TMEM232: variants seen among roughly 807,000 people sequenced by gnomAD.
TMEM232 encodes transmembrane protein 232.
In TMEM232, 80 loss-of-function variants were observed where a neutral mutation model predicts 78.8. The ratio of observed to expected loss-of-function variants is 1.01; its 90% confidence interval spans 0.85 to 1.22. The LOEUF is 1.22. Ranked by LOEUF, TMEM232 falls within the 50% of genes most tolerant of loss-of-function variation. TMEM232 has a pLI of 0.00. For missense variants in TMEM232, 881 were observed against 742.2 expected (o/e 1.19, Z -2.17); for synonymous variants, 297 against 254.3 (o/e 1.17, Z -1.60).
At chr5:110,635,741 T>C (rs1785719202) in intron 5 of TMEM232, among the ~76,000 whole-genome samples, 1 of 150,822 alleles carries the variant, frequency 6.6e-6, no homozygotes, top group Non-Finnish European at 1.5e-5. Context: ...TGGCTATTAT[T>C]AAAAAGACAA....
chr5:110,671,167 A>C (rs1791303988), intron 1 of TMEM232, among the ~76,000 whole-genome samples: 1 of 152,210 alleles, frequency 6.6e-6, no homozygotes, highest in Admixed American at 6.5e-5. Flanking sequence ...ATCACTGGTC[A>C]TTAGAGAAAT....
At position 110,649,509 on chromosome 5, in the gene TMEM232, TA is replaced by T. The variant is rs559172491; in HGVS notation, c.126-7139del. ...ATGTATACTTTTAATTATAGCAGAT[TA>T]AAAAAATATCTTCCAAAAATATTCT... On this transcript the variant is annotated intron_variant, in intron 2 of 13. Transcript: ENST00000455884. Among the ~76,000 whole-genome samples the T allele has an allele frequency of 5.6e-3, 846 of 152,218 alleles. 8 individuals are homozygous for T. Among genetic ancestry groups the T allele is most frequent in the African/African-American group, 0.019 (800 of 41,562 alleles).
intron 1 of TMEM232, among the ~76,000 whole-genome samples, chr5:110,692,339 T>C (rs1057512731): frequency 3.3e-5 from 5 of 152,226 alleles, no homozygotes; most frequent in Non-Finnish European, 5.9e-5. Context: ...GATGGCCGAA[T>C]AGCAGCAGCT....
chr5:110,712,881 C>G (rs939511074), intron 1 of TMEM232, among the ~76,000 whole-genome samples: 1 of 151,908 alleles, frequency 6.6e-6, no homozygotes, highest in Non-Finnish European at 1.5e-5. Context: ...ATAGAGCTAC[C>G]ATAACATCTA....
intron 1 of TMEM232, among the ~76,000 whole-genome samples, chr5:110,678,592 A>G (rs1424475503): frequency 6.6e-6 from 1 of 152,142 alleles, no homozygotes; most frequent in Non-Finnish European, 1.5e-5. Flanking sequence ...ATGGGTTTGG[A>G]CAAATGTATA....
chr5:110,517,159 G>T (rs572209720), intron 12 of TMEM232, among the ~76,000 whole-genome samples: 1 of 152,178 alleles, frequency 6.6e-6, no homozygotes, highest in Admixed American at 6.5e-5. Flanking sequence ...GACCTTTCAG[G>T]GATGAAAAAG....
At chr5:110,489,328 T>A (rs1764787486) in intron 12 of TMEM232, among the ~76,000 whole-genome samples, 1 of 151,990 alleles carries the variant, frequency 6.6e-6, no homozygotes, top group Admixed American at 6.6e-5. Context: ...ATGACCAAAT[T>A]GAGTTTATCC....
At chr5:110,662,440 G>C (rs1275721511) in intron 2 of TMEM232, among the ~76,000 whole-genome samples, 1 of 152,006 alleles carries the variant, frequency 6.6e-6, no homozygotes, top group Non-Finnish European at 1.5e-5. Context: ...TCTCCAAATT[G>C]ATCTATAGAT....
chr5:110,726,445 T>C (rs531826259), intron 1 of TMEM232, among the ~76,000 whole-genome samples, 182 bp downstream of exon 1: 1 of 152,178 alleles, frequency 6.6e-6, no homozygotes, highest in Non-Finnish European at 1.5e-5. Flanking sequence ...GGGGCCCAGA[T>C]AGCAGGCCCA....
intron 1 of TMEM232, among the ~76,000 whole-genome samples, chr5:110,675,563 T>A (rs1791923024): frequency 1.3e-5 from 2 of 152,198 alleles, no homozygotes; most frequent in African/African-American, 4.8e-5. Context: ...ATCTGGATGA[T>A]CTTAGAAGTA....
chr5:110,466,506 A>G (rs1450344630), intron 12 of TMEM232, among the ~76,000 whole-genome samples: 1 of 152,176 alleles, frequency 6.6e-6, no homozygotes, highest in African/African-American at 2.4e-5. Context: ...TATTTACTCA[A>G]CAGAGTTAAG....
chr5:110,429,793 G>T (rs952812783), intron 12 of TMEM232: 1 of 151,624 alleles, frequency 6.6e-6, no homozygotes, highest in Non-Finnish European at 1.5e-5. Flanking sequence ...AGTATATTTA[G>T]TCTCCTTTTT....
chr5:110,548,948 A>C (rs889195356), intron 11 of TMEM232, among the ~76,000 whole-genome samples: 1 of 151,984 alleles, frequency 6.6e-6, no homozygotes, highest in African/African-American at 2.4e-5. Context: ...ACTAAAATCA[A>C]ACAATATAAA....
chr5:110,605,038 A>G (rs1781372782), intron 10 of TMEM232, 71 bp downstream of exon 10: 1 of 1,379,134 alleles, frequency 7.3e-7, no homozygotes, highest in Non-Finnish European at 9.7e-7. Context: ...TTTGAGTAGA[A>G]TGCTTATTAC....
chr5:110,593,654 T>C (rs1779801740), intron 10 of TMEM232, among the ~76,000 whole-genome samples: 2 of 152,132 alleles, frequency 1.3e-5, no homozygotes, highest in Non-Finnish European at 2.9e-5. Context: ...AGTAGAATGA[T>C]GGTTACTAGA....
chr5:110,727,068 T>A (rs1392515030), upstream of TMEM232, among the ~76,000 whole-genome samples: 1 of 152,180 alleles, frequency 6.6e-6, no homozygotes, highest in Non-Finnish European at 1.5e-5. Context: ...GCAGTCAGTG[T>A]CCTCAGCACC....
At chr5:110,693,522 T>A (rs543658641) in intron 1 of TMEM232, among the ~76,000 whole-genome samples, 1 of 152,166 alleles carries the variant, frequency 6.6e-6, no homozygotes. Flanking sequence ...AAGGAGGAAG[T>A]TCCAACCAAT....
chr5:110,713,676 A>T (rs1796726833), intron 1 of TMEM232, among the ~76,000 whole-genome samples: 1 of 152,236 alleles, frequency 6.6e-6, no homozygotes, highest in South Asian at 2.1e-4. Flanking sequence ...CTTGGCCTAT[A>T]AACTAAAGCT....
chr5:110,401,444 A>G (rs1420133834), intron 2 of TMEM232, among the ~76,000 whole-genome samples: 1 of 152,014 alleles, frequency 6.6e-6, no homozygotes, highest in African/African-American at 2.4e-5. Context: ...AAGTGTATCG[A>G]CATACCCTCC....
Sources: gnomAD v4.1 joint callset for allele counts (sites outside exome capture counted in the v4.1 genomes callset) on GRCh38, gnomAD v4.1.1 for gene constraint, MANE v1.5 for transcripts, NCBI Gene and HGNC (gene_info 2026-07-23, HGNC 2026-07-21) for gene names.